The following NRK variants were observed in gnomAD, a reference collection of about 807,000 sequenced individuals.
NRK encodes the protein nik-related protein kinase.
In NRK, 67 loss-of-function variants were observed where a neutral mutation model predicts 125.2. The observed-to-expected ratio is 0.54, with a 90% CI of 0.44 to 0.66. The LOEUF (loss-of-function observed/expected upper bound fraction) is 0.66. NRK is among the 30% of genes least tolerant of loss of function. The probability of loss-of-function intolerance (pLI) is 0.00; values close to 1 mark genes in which losing one functional copy is unlikely to be tolerated. For missense variants in NRK, 1,224 were observed against 1,192.9 expected, an observed-to-expected ratio of 1.03 and a Z score of -0.38; for synonymous variants, 458 against 429.0, an observed-to-expected ratio of 1.07 and a Z score of -0.84.
rs1030080406 is a variant in NRK at position 105,958,397 on chromosome X, G to T, written c.*2797G>T. ...TTAATTACTAACTGCCCTCTCCCAAGATTCATTTAGTTCAAACAGTATCCG... is the reference window on the plus strand; with the variant it reads ...TTAATTACTAACTGCCCTCTCCCAATATTCATTTAGTTCAAACAGTATCCG... On this transcript the variant is annotated 3_prime_UTR_variant, in exon 29 of 29. Coordinates refer to ENST00000243300, the MANE Select transcript of NRK (RefSeq NM_198465.4). 2.7e-5 allele frequency: 3 copies of T among 112,162 alleles called. No individual in the cohort carries two copies. The highest frequency in any genetic ancestry group is 9.7e-5 in the African/African-American group (3 of 30,867). The allele number at this position is 112,162 out of a possible 1,213,427, so 9.2% of individuals were successfully genotyped here.
intron 19 of NRK, among the ~76,000 whole-genome samples, chrX:105,932,006 T>TC (rs1425696638): frequency 1.4e-4 from 16 of 111,123 alleles, no homozygotes; most frequent in African/African-American, 4.3e-4. Flanking sequence ...AAGTCTTGTT[T>TC]CCCCCCTCCT....
intron 1 of NRK, among the ~76,000 whole-genome samples, chrX:105,826,030 C>A (rs1432212644): frequency 9.9e-6 from 1 of 101,151 alleles, no homozygotes; most frequent in African/African-American, 3.6e-5. Flanking sequence ...GTATGCCTCT[C>A]TGTCTCCGTC....
intron 2 of NRK, among the ~76,000 whole-genome samples, chrX:105,864,431 T>C: frequency 9.0e-6 from 1 of 111,718 alleles, no homozygotes; most frequent in Middle Eastern, 4.6e-3. Flanking sequence ...AAAAAATTAA[T>C]GAACAAACTC....
chrX:105,842,161 G>T (rs1001924296), intron 2 of NRK, among the ~76,000 whole-genome samples: 9 of 111,568 alleles, frequency 8.1e-5, no homozygotes, highest in African/African-American at 2.6e-4. Flanking sequence ...ATGAGCTGAG[G>T]TCGGTAATGA....
chrX:105,920,378 C>T lies in NRK; in HGVS notation c.2513-1586C>T, dbSNP rs201750314. On this transcript the variant is annotated intron_variant, in intron 16 of 28. Transcript: ENST00000243300. ...CTTAGGATTGACTTGGCGATGCGGG[C>T]TCTTTTTTGGTTCCATATGAACTTT... 6.1e-4 allele frequency among the ~76,000 whole-genome samples: 64 copies of T among 104,431 alleles called. 1 individual carries two copies. The East Asian group carries it at 0.018, about 29-fold the overall frequency. The allele number at this position is 104,431 out of a possible 115,157, so 90.7% of individuals were successfully genotyped here. A position where few individuals can be genotyped will look rare whatever the true frequency, so the allele number is the denominator to read the frequency against.
Position 105,895,451 on chromosome X carries a change from G to A in NRK, c.508G>A (p.Ala170Thr), listed in dbSNP as rs773413744. The change falls in exon 7 of 29, where the codon GCA (alanine) becomes ACA (threonine). Residue 170 changes from alanine to threonine, a missense_variant. Transcript: ENST00000243300. ...TATACAGGGCTTAGCTCACCTTCAC[G>A]CACACCGAGTAATTCACCGGGACAT... ...EILQGLAHLH[A>T]HRVIHRDIKG... 2.5e-6 allele frequency: 3 copies of A among 1,202,114 alleles called. No homozygotes were observed. Among genetic ancestry groups the A allele is most frequent in the South Asian group, 1.8e-5 (1 of 56,700 alleles).
intron 2 of NRK, among the ~76,000 whole-genome samples, chrX:105,852,474 CTG>C (rs1209889310): frequency 8.9e-6 from 1 of 112,070 alleles, no homozygotes; most frequent in African/African-American, 3.2e-5. Context: ...AGTTAAGAGA[CTG>C]TGTTCCCTTA....
At chrX:105,866,011 A>G (rs1281329711) in intron 2 of NRK, among the ~76,000 whole-genome samples, 1 of 89,029 alleles carries the variant, frequency 1.1e-5, no homozygotes, top group South Asian at 5.2e-4. Flanking sequence ...AAACAAAACA[A>G]AGCAAAAAAA....
intron 19 of NRK, among the ~76,000 whole-genome samples, chrX:105,927,612 T>A (rs369898203): frequency 1.8e-5 from 2 of 111,405 alleles, no homozygotes; most frequent in East Asian, 5.6e-4. Context: ...TAGCTGTGGG[T>A]TTTTCATATA....
intron 2 of NRK, among the ~76,000 whole-genome samples, chrX:105,860,739 ATTAC>A (rs2039591050): frequency 9.1e-6 from 1 of 110,496 alleles, no homozygotes; most frequent in Non-Finnish European, 1.9e-5. Flanking sequence ...AAAAACTGCA[ATTAC>A]TTTTGCACCA....
chrX:105,822,939 T>C (rs1175950124), intron 1 of NRK, 37 bp downstream of exon 1: 1 of 1,103,462 alleles, frequency 9.1e-7, no homozygotes, highest in Non-Finnish European at 1.2e-6. Context: ...CGAAATGCTC[T>C]CTTTTGGCGG....
intron 2 of NRK, among the ~76,000 whole-genome samples, chrX:105,861,355 G>T (rs2039599934): frequency 8.9e-6 from 1 of 112,126 alleles, no homozygotes. Context: ...CCACTCTGTG[G>T]GTTGTCTTTT....
At chrX:105,870,190 A>G (rs772398174) in intron 2 of NRK, among the ~76,000 whole-genome samples, 39 of 111,919 alleles carry the variant, frequency 3.5e-4, no homozygotes, top group African/African-American at 1.2e-3. Flanking sequence ...AGAGAATGTC[A>G]TTGTGGGGAA....
chrX:105,953,820 A>T (rs946074154), intron 28 of NRK, among the ~76,000 whole-genome samples: 4 of 111,841 alleles, frequency 3.6e-5, no homozygotes, highest in Admixed American at 1.9e-4. Context: ...TATAGGAAAT[A>T]ATAGTGTGAA....
intron 19 of NRK, among the ~76,000 whole-genome samples, chrX:105,930,242 A>G (rs868385927): frequency 9.0e-6 from 1 of 111,072 alleles, no homozygotes; most frequent in African/African-American, 3.3e-5. Flanking sequence ...CATAAGTTCT[A>G]TAGGCTCTCT....
chrX:105,928,777 T>C (rs1027602505), intron 19 of NRK, among the ~76,000 whole-genome samples: 1 of 111,691 alleles, frequency 9.0e-6, no homozygotes, highest in Non-Finnish European at 1.9e-5. Flanking sequence ...AATTTCCATA[T>C]ATTGTTACAG....
intron 28 of NRK, among the ~76,000 whole-genome samples, chrX:105,954,374 T>C (rs2040945389): frequency 9.0e-6 from 1 of 111,113 alleles, no homozygotes; most frequent in Non-Finnish European, 1.9e-5. Context: ...AAAGCAGATC[T>C]TAGAAGAGTT....
intron 2 of NRK, among the ~76,000 whole-genome samples, chrX:105,877,111 A>C (rs2147702472): frequency 8.9e-6 from 1 of 111,933 alleles, no homozygotes; most frequent in Non-Finnish European, 1.9e-5. Context: ...CCCTGATATG[A>C]TGTGATGAAA....
chrX:105,838,214 T>A (rs1602595855), intron 2 of NRK, among the ~76,000 whole-genome samples: 1 of 111,657 alleles, frequency 9.0e-6, no homozygotes, highest in South Asian at 3.7e-4. Flanking sequence ...TGGAGTAGTT[T>A]CACTTTTTAC....
Sources: allele counts gnomAD v4.1 joint callset (sites outside exome capture counted in the v4.1 genomes callset), GRCh38; gene constraint gnomAD v4.1.1; transcripts MANE v1.5; gene names NCBI Gene and HGNC (gene_info 2026-07-23, HGNC 2026-07-21).